Variants in MGAT4C observed in about 807,000 individuals in gnomAD.
MGAT4C encodes alpha-1,3-mannosyl-glycoprotein 4-beta-N-acetylglucosaminyltransferase C.
A neutral mutation model predicts 40.1 loss-of-function variants in MGAT4C; 19 were observed. The ratio of observed to expected loss-of-function variants is 0.47; its 90% CI spans 0.33 to 0.70. MGAT4C has a LOEUF of 0.70. Among genes scored for constraint, MGAT4C ranks in the 30% least tolerant of loss-of-function variants. The pLI is 0.02. For missense variants in MGAT4C, 491 were observed against 563.2 expected, an observed-to-expected ratio of 0.87 and a Z score of 1.30; for synonymous variants, 181 against 187.1, an observed-to-expected ratio of 0.97 and a Z score of 0.27.
At chr12:86,265,053 C>T (rs1330190544) in intron 4 of MGAT4C, among the ~76,000 whole-genome samples, 1 of 152,176 alleles carries the variant, frequency 6.6e-6, no homozygotes, top group Non-Finnish European at 1.5e-5. Context: ...CTGGTCTAGC[C>T]GCAGCCTCAC....
intron 2 of MGAT4C, among the ~76,000 whole-genome samples, chr12:86,611,937 G>C (rs1307444149): frequency 6.6e-6 from 1 of 152,048 alleles, no homozygotes; most frequent in Non-Finnish European, 1.5e-5. Flanking sequence ...TACATTTTAA[G>C]AAATTAATTT....
At position 86,482,248 on chromosome 12, in the gene MGAT4C, A is replaced by T. The variant is rs568240704; in HGVS notation, c.-228-46983T>A. ...GAACAACACTACACTATTTTTACAC[A>T]ATTTTTAATCAGCTAAATTAAAAAA... On this transcript the variant is annotated intron_variant, in intron 2 of 7. Transcript: ENST00000548651. Among the ~76,000 whole-genome samples, 612 of 152,168 alleles carry T rather than the reference A, an allele frequency of 4.0e-3. 3 individuals carry two copies. The highest frequency in any genetic ancestry group is 7.0e-3 in the Non-Finnish European group (476 of 67,960).
At chr12:86,119,614 G>C (rs1458810665) in intron 1 of MGAT4C, among the ~76,000 whole-genome samples, 2 of 151,390 alleles carry the variant, frequency 1.3e-5, no homozygotes, top group Non-Finnish European at 2.9e-5. Flanking sequence ...TCACCATGTT[G>C]TCCAGGCTGG....
intron 1 of MGAT4C, among the ~76,000 whole-genome samples, chr12:86,162,148 A>G (rs1885660202): frequency 6.6e-6 from 1 of 152,180 alleles, no homozygotes; most frequent in Non-Finnish European, 1.5e-5. Flanking sequence ...TACTGGGTGT[A>G]TACTCAATGG....
chr12:86,184,111 T>C (rs1266404127), intron 1 of MGAT4C, among the ~76,000 whole-genome samples: 2 of 152,226 alleles, frequency 1.3e-5, no homozygotes, highest in Admixed American at 6.5e-5. Context: ...TTTTATTAGG[T>C]ATTTTGTTGT....
rs562953146 is a variant in MGAT4C, at chr12:86,360,793, C to T, written c.-119-26666G>A. On this transcript the variant is annotated intron_variant, in intron 3 of 7. Coordinates refer to the MGAT4C transcript ENST00000548651. ...CCAACTTACAAGGGATGTGAAGGACCTCTTCAAGGAGAACAACAAACCATT... is the reference window on the plus strand; with the variant it reads ...CCAACTTACAAGGGATGTGAAGGACTTCTTCAAGGAGAACAACAAACCATT... Among the ~76,000 whole-genome samples, 8 of 152,204 alleles carry T rather than the reference C, an allele frequency of 5.3e-5. No individual in the cohort carries two copies. The East Asian group carries it at 9.7e-4, about 18-fold the overall frequency.
chr12:86,286,307 G>C (rs937248997), intron 4 of MGAT4C, among the ~76,000 whole-genome samples: 1 of 152,034 alleles, frequency 6.6e-6, no homozygotes, highest in African/African-American at 2.4e-5. Flanking sequence ...CATTAGAGAG[G>C]CCCTAATTAA....
chr12:86,503,845 T>C (rs1160693631), intron 2 of MGAT4C, among the ~76,000 whole-genome samples: 1 of 135,812 alleles, frequency 7.4e-6, no homozygotes, highest in Non-Finnish European at 1.6e-5. Flanking sequence ...TAAATTTTGC[T>C]ACAAACTTAA....
intron 1 of MGAT4C, among the ~76,000 whole-genome samples, chr12:86,084,846 A>T (rs1261039945): frequency 6.6e-6 from 1 of 152,028 alleles, no homozygotes; most frequent in African/African-American, 2.4e-5. Context: ...ATGAAAAGTT[A>T]GTATATATTT....
At chr12:86,065,204 C>A (rs1894417548) in intron 1 of MGAT4C, among the ~76,000 whole-genome samples, 1 of 152,192 alleles carries the variant, frequency 6.6e-6, no homozygotes, top group Non-Finnish European at 1.5e-5. Context: ...CTCCCTAACT[C>A]ATTTTATGAG....
chr12:86,579,635 T>A (rs1440078875), intron 2 of MGAT4C, among the ~76,000 whole-genome samples: 1 of 151,596 alleles, frequency 6.6e-6, no homozygotes, highest in Non-Finnish European at 1.5e-5. Context: ...GTGTACTTAC[T>A]ATTAGCTGTG....
intron 1 of MGAT4C, among the ~76,000 whole-genome samples, chr12:86,084,543 A>G (rs534907363): frequency 4.3e-4 from 65 of 151,914 alleles, no homozygotes; most frequent in South Asian, 1.7e-3. Context: ...TGTTTTTTTA[A>G]AAAAGATATT....
intron 1 of MGAT4C, among the ~76,000 whole-genome samples, chr12:86,053,135 C>A (rs1893050610): frequency 1.3e-5 from 2 of 151,600 alleles, no homozygotes; most frequent in South Asian, 2.1e-4. Context: ...CGTGTTCAAT[C>A]TGACTTTTAA....
chr12:86,572,006 C>A (rs549449696), intron 2 of MGAT4C, among the ~76,000 whole-genome samples: 20 of 152,028 alleles, frequency 1.3e-4, no homozygotes, highest in Non-Finnish European at 2.8e-4. Context: ...CAACTTAAAG[C>A]GATAATTTGT....
At chr12:86,135,850 A>G (rs1287748813) in intron 1 of MGAT4C, among the ~76,000 whole-genome samples, 1 of 152,198 alleles carries the variant, frequency 6.6e-6, no homozygotes, top group African/African-American at 2.4e-5. Context: ...TTCCAAACAC[A>G]TTATTGCTAA....
intron 2 of MGAT4C, among the ~76,000 whole-genome samples, chr12:86,626,495 T>TAA (rs1962808915): frequency 6.6e-6 from 1 of 152,182 alleles, no homozygotes; most frequent in Non-Finnish European, 1.5e-5. Flanking sequence ...GTGGTTGTTT[T>TAA]TAAACTATTA....
At chr12:86,817,171 C>T (rs1038454721) in intron 1 of MGAT4C, among the ~76,000 whole-genome samples, 4 of 150,934 alleles carry the variant, frequency 2.7e-5, no homozygotes, top group Admixed American at 6.6e-5. Context: ...TTATACACTA[C>T]TTTATTCATA....
chr12:85,982,460 A>C (rs1218998168), intron 4 of MGAT4C, among the ~76,000 whole-genome samples: 1 of 152,196 alleles, frequency 6.6e-6, no homozygotes, highest in Non-Finnish European at 1.5e-5. Context: ...AAGTGCTGGG[A>C]TTACAGGCAT....
At chr12:86,370,722 G>T (rs756373875) in intron 3 of MGAT4C, among the ~76,000 whole-genome samples, 13 of 151,950 alleles carry the variant, frequency 8.6e-5, no homozygotes, top group Non-Finnish European at 1.3e-4. Context: ...TTTCCTATTT[G>T]CCTTTTTTTC....
Sources: allele counts gnomAD v4.1 joint callset (sites outside exome capture counted in the v4.1 genomes callset), GRCh38; gene constraint gnomAD v4.1.1; transcripts MANE v1.5; gene names NCBI Gene and HGNC (gene_info 2026-07-23, HGNC 2026-07-21).